RPL7: variants seen among roughly 807,000 people sequenced by gnomAD.
RPL7 encodes ribosomal protein L7, also known as large ribosomal subunit protein uL30.
For synonymous variants in RPL7, 100 were observed against 102.2 expected, an observed-to-expected ratio of 0.98 and a Z score of 0.13; for missense variants, 205 against 301.9, an observed-to-expected ratio of 0.68 and a Z score of 2.38.
intron 1 of RPL7, chr8:73,293,373 A>T (rs1473095516): frequency 3.7e-6 from 2 of 539,650 alleles, no homozygotes; most frequent in East Asian, 6.7e-5. Context: ...GGTTCCACAC[A>T]CATTCCAACC....
intron 1 of RPL7, 145 bp from the exon 2 acceptor site, chr8:73,292,942 G>T (rs1586182534): frequency 1.8e-6 from 1 of 562,250 alleles, no homozygotes; most frequent in Non-Finnish European, 3.1e-6. Context: ...ATGCTACAGT[G>T]TACGATGCAT....
chr8:73,294,397 T>G (rs1475173866), upstream of RPL7: 7 of 149,446 alleles, frequency 4.7e-5, no homozygotes, highest in African/African-American at 1.7e-4. Context: ...CGAAGGGAGG[T>G]GCGAGGAGGG....
upstream of RPL7, chr8:73,293,809 A>G (rs1382327148): frequency 6.5e-6 from 4 of 617,674 alleles, no homozygotes; most frequent in Admixed American, 5.9e-5. Flanking sequence ...TGTTTGAAGA[A>G]AATATATGCA....
intron 4 of RPL7, 30 bp downstream of exon 4, chr8:73,291,743 A>G: frequency 6.3e-7 from 1 of 1,593,970 alleles, no homozygotes; most frequent in Non-Finnish European, 8.6e-7. Context: ...CAATTTATCA[A>G]ATAGAAATCA....
At chr8:73,290,834 C>A in intron 6 of RPL7, 129 bp from the exon 7 acceptor site, 1 of 547,040 alleles carries the variant, frequency 1.8e-6, no homozygotes, top group South Asian at 2.6e-5. Context: ...TTAAAGACTC[C>A]CCAAAACAGG....
rs1586180711 is a variant in RPL7 at position 73,290,713 on chromosome 8, G to A, written c.*2-8C>T. On this transcript the variant is annotated splice_polypyrimidine_tract_variant and splice_region_variant and intron_variant, in intron 6 of 6. Coordinates refer to ENST00000352983, the MANE Select transcript of RPL7 (RefSeq NM_000971.4). ...AATAATCATGGTAGACACCTGAAAG[G>A]AAAAAAGAAAACCATTAGAAAACAC... 9.0e-6 allele frequency: 2 copies of A among 221,800 alleles called. No individual in the cohort carries two copies. Among genetic ancestry groups the A allele is most frequent in the South Asian group, 1.8e-4 (2 of 11,158 alleles). 13.7% of individuals were successfully genotyped at this position (221,800 alleles called of 1,614,324 possible). A position where few individuals can be genotyped will look rare whatever the true frequency, so the allele number is the denominator to read the frequency against.
rs1453621028 is a variant in RPL7, at chr8:73,290,395, C to A, written c.*312G>T. 6.6e-6 allele frequency: 1 copy of A among 151,748 alleles called. No individual in the cohort carries two copies. Among genetic ancestry groups the A allele is most frequent in the East Asian group, 1.9e-4 (1 of 5,186 alleles). 9.4% of individuals were successfully genotyped at this position (151,748 alleles called of 1,614,324 possible). ...CATGTACAAATGCTTGTGAAACAGG[C>A]TTTCTTAGAATAAACCCATTTCGAA... is the stretch of plus-strand genomic sequence containing the variant. On this transcript the variant is annotated 3_prime_UTR_variant, in exon 7 of 7. Coordinates refer to ENST00000352983, the MANE Select transcript of RPL7 (RefSeq NM_000971.4).
chr8:73,294,058 G>A (rs773821046), upstream of RPL7: 21 of 162,718 alleles, frequency 1.3e-4, no homozygotes, highest in Non-Finnish European at 2.0e-4. Flanking sequence ...GTTCCAGCCA[G>A]GAAAATGAGA....
intron 3 of RPL7, 101 bp from the exon 4 acceptor site, chr8:73,292,011 G>A: frequency 4.9e-6 from 7 of 1,440,150 alleles, no homozygotes; most frequent in Non-Finnish European, 6.7e-6. Flanking sequence ...TAAACAGATA[G>A]GAATCCTCTC....
chr8:73,293,448 C>A, intron 1 of RPL7, 151 bp downstream of exon 1: 5 of 944,446 alleles, frequency 5.3e-6, no homozygotes, highest in Non-Finnish European at 8.1e-6. Flanking sequence ...CAACCCTAGC[C>A]TCAGGTCCCC....
At position 73,293,599 on chromosome 8, in the gene RPL7, T is replaced by TCTACACCCTCCATGGTTC; in HGVS notation, c.-5_13dup (p.Val4_Glu5insGlyThrMetGluGlyVal). 6.2e-7 allele frequency: 1 copy of TCTACACCCTCCATGGTTC among 1,613,878 alleles called. No homozygotes were observed. The highest frequency in any genetic ancestry group is 1.1e-5 in the South Asian group (1 of 91,040). ...CTCAAGAGGACCAGAAGCAACTCACTCTACACCCTCCATGGTTCCAGCCGG... is the reference window on the plus strand; with the variant it reads ...CTCAAGAGGACCAGAAGCAACTCACTCTACACCCTCCATGGTTCCTACACCCTCCATGGTTCCAGCCGG... On this transcript the variant is annotated inframe_insertion and splice_region_variant, in exon 1 of 7. Transcript: ENST00000352983.
At chr8:73,291,000 A>G (rs1563542810) in intron 6 of RPL7, 43 bp downstream of exon 6, 4 of 1,429,200 alleles carry the variant, frequency 2.8e-6, no homozygotes, top group East Asian at 2.3e-5. Context: ...CACCACTTAT[A>G]CTCTAACATT....
rs761190036 is a variant in RPL7, at chr8:73,291,676, C to T, written c.429-15G>A. 14 of 1,589,972 alleles carry T rather than the reference C, an allele frequency of 8.8e-6. No individual in the cohort carries two copies. The South Asian group carries it at 1.0e-4, about 11-fold the overall frequency. ...GATTGGGGTACCTGAAGTGAAAAAG[C>T]AAACATAAATAAGGTGACCACTGTT... On this transcript the variant is annotated splice_polypyrimidine_tract_variant and intron_variant, in intron 4 of 6. Coordinates refer to ENST00000352983, the MANE Select transcript of RPL7 (RefSeq NM_000971.4).
chr8:73,293,761 C>G, upstream of RPL7: 6 of 842,638 alleles, frequency 7.1e-6, no homozygotes, highest in Non-Finnish European at 1.1e-5. Context: ...AAAGAACTCC[C>G]TGATTTAGCC....
upstream of RPL7, chr8:73,294,284 A>C (rs142120681): frequency 0.023 from 3,469 of 152,986 alleles, 77 homozygotes; most frequent in East Asian, 0.11. Flanking sequence ...CTAGCCAGGG[A>C]CCAGTGGGGA....
At chr8:73,291,273 TAA>T in intron 5 of RPL7, 21 bp from the exon 6 acceptor site, 1 of 1,572,406 alleles carries the variant, frequency 6.4e-7, no homozygotes, top group Non-Finnish European at 8.7e-7. Flanking sequence ...TAAGGTTATT[TAA>T]GATTATTAAA....
In RPL7 at chr8:73,292,279, G is replaced by T. The variant is rs756485500; in HGVS notation, c.250C>A (p.Pro84Thr). ...MARKAGNFYV[P>T]AEPKLAFVIR... The stretch of plus-strand genomic sequence containing the variant: ...ACAAACGCCAATTTGGGTTCTGCAG[G>T]TACATAGAAGTTGCCAGCTTTTCTT... The change falls in exon 3 of 7, where the codon CCT becomes ACT. Residue 84 changes from proline to threonine, a missense_variant. By Grantham distance (38) the Pro-to-Thr change is conservative. Transcript: ENST00000352983. 6.2e-7 allele frequency: 1 copy of T among 1,612,994 alleles called. No homozygotes were observed. The highest frequency in any genetic ancestry group is 8.5e-7 in the Non-Finnish European group (1 of 1,179,726).
intron 1 of RPL7, 122 bp from the exon 2 acceptor site, chr8:73,292,919 T>C: frequency 1.5e-6 from 1 of 670,004 alleles, no homozygotes; most frequent in Admixed American, 3.0e-5. Flanking sequence ...CTAGTAACTT[T>C]ACTTGCTCTG....
At chr8:73,294,405 G>C (rs1814200065), upstream of RPL7, 1 of 152,794 alleles carries the variant, frequency 6.5e-6, no homozygotes. Flanking sequence ...GGTGCGAGGA[G>C]GGCTGAGGTT....
Sources: gnomAD v4.1 joint callset for allele counts on GRCh38, gnomAD v4.1.1 for gene constraint, MANE v1.5 for transcripts, NCBI Gene and HGNC (gene_info 2026-07-23, HGNC 2026-07-21) for gene names.